Variants in PLXNA4 observed in about 807,000 individuals in gnomAD.
PLXNA4 encodes plexin A4.
A neutral mutation model predicts 191.8 loss-of-function variants in PLXNA4; 44 were observed. That is an observed-to-expected ratio of 0.23 (90% CI 0.18 to 0.29). The LOEUF is 0.29. Ranked by LOEUF, PLXNA4 falls within the 10% of genes least tolerant of loss-of-function variation. The probability of loss-of-function intolerance (pLI) is 1.00; values close to 1 mark genes in which losing one functional copy is unlikely to be tolerated. For missense variants in PLXNA4, 1,800 were observed against 2,488.8 expected, an observed-to-expected ratio of 0.72 and a Z score of 5.89; for synonymous variants, 1,082 against 1,009.5, an observed-to-expected ratio of 1.07 and a Z score of -1.36.
chr7:132,546,731 C>T (rs904738028), intron 1 of PLXNA4, among the ~76,000 whole-genome samples: 2 of 152,292 alleles, frequency 1.3e-5, no homozygotes, highest in Non-Finnish European at 2.9e-5. Context: ...ATCAGATCCA[C>T]CTTAAGCCTC....
At chr7:132,142,923 C>A (rs1156516042) in intron 29 of PLXNA4, among the ~76,000 whole-genome samples, 1 of 152,204 alleles carries the variant, frequency 6.6e-6, no homozygotes, top group East Asian at 1.9e-4. Context: ...GTCCTCAAGC[C>A]AGTTTTGCTG....
At chr7:132,451,553 G>A (rs1796125255) in intron 3 of PLXNA4, among the ~76,000 whole-genome samples, 1 of 152,236 alleles carries the variant, frequency 6.6e-6, no homozygotes, top group African/African-American at 2.4e-5. Context: ...TGCCTGCACT[G>A]ATGTCCAGCA....
chr7:132,241,753 A>G (rs1798886652), intron 4 of PLXNA4, among the ~76,000 whole-genome samples: 1 of 152,114 alleles, frequency 6.6e-6, no homozygotes, highest in African/African-American at 2.4e-5. Flanking sequence ...CTTTCTCATA[A>G]TGTTGGCCAA....
intron 4 of PLXNA4, among the ~76,000 whole-genome samples, chr7:132,275,182 C>T (rs1800225243): frequency 6.6e-6 from 1 of 152,086 alleles, no homozygotes; most frequent in Admixed American, 6.6e-5. Context: ...TTTTCTTCCA[C>T]ATTTAAAAAT....
At chr7:132,210,875 T>C in intron 10 of PLXNA4, 68 bp downstream of exon 10, 4 of 1,545,636 alleles carry the variant, frequency 2.6e-6, no homozygotes, top group Non-Finnish European at 3.5e-6. Context: ...ATTTGGCTCC[T>C]AGAAGACAAC....
At chr7:132,478,137 G>T (rs1236777961) in intron 3 of PLXNA4, among the ~76,000 whole-genome samples, 1 of 152,128 alleles carries the variant, frequency 6.6e-6, no homozygotes, top group Non-Finnish European at 1.5e-5. Context: ...GGTCAACATT[G>T]TACAAGTTCA....
At chr7:132,390,637 T>C (rs1050621444) in intron 3 of PLXNA4, among the ~76,000 whole-genome samples, 1 of 152,168 alleles carries the variant, frequency 6.6e-6, no homozygotes, top group African/African-American at 2.4e-5. Flanking sequence ...CTTCTCTGTC[T>C]GGCAAAGCAA....
chr7:132,505,839 A>G (rs2116228307), intron 2 of PLXNA4, among the ~76,000 whole-genome samples: 1 of 152,222 alleles, frequency 6.6e-6, no homozygotes, highest in East Asian at 1.9e-4. Context: ...GAAGCAGTCC[A>G]TACCCCCGTA....
At chr7:132,454,391 A>G (rs1357460781) in intron 3 of PLXNA4, among the ~76,000 whole-genome samples, 1 of 152,160 alleles carries the variant, frequency 6.6e-6, no homozygotes, top group African/African-American at 2.4e-5. Flanking sequence ...CCACAAAGCC[A>G]AAAGCTGACT....
rs78627155 is a variant in PLXNA4, at chr7:132,290,733, G to T, written c.1503+7358C>A. On this transcript the variant is annotated intron_variant, in intron 4 of 31. Coordinates refer to ENST00000321063, the MANE Select transcript of PLXNA4 (RefSeq NM_020911.2). Reference sequence around the variant, plus strand: ...AGAAAGAAAAGAGACAGAGAGAAACGTAACACGGCTCTGAAAGAGACAGTT... The same window carrying T: ...AGAAAGAAAAGAGACAGAGAGAAACTTAACACGGCTCTGAAAGAGACAGTT... Among the ~76,000 whole-genome samples the T allele has an allele frequency of 9.7e-3, 1,469 of 152,066 alleles. 32 individuals carry two copies. Among genetic ancestry groups the T allele is most frequent in the African/African-American group, 0.034 (1,394 of 41,474 alleles).
intron 3 of PLXNA4, among the ~76,000 whole-genome samples, chr7:132,430,088 TTTCTATGCAGC>T (rs1795203966): frequency 6.6e-6 from 1 of 151,916 alleles, no homozygotes. Flanking sequence ...ACATCCTGAG[TTTCTATGCAGC>T]ACAACCTAAC....
chr7:132,135,655 T>C (rs1795090040), intron 30 of PLXNA4, among the ~76,000 whole-genome samples: 1 of 152,214 alleles, frequency 6.6e-6, no homozygotes, highest in Admixed American at 6.5e-5. Flanking sequence ...AGAGAATATC[T>C]AGAAGTATAT....
chr7:132,502,815 C>T (rs73158860), intron 2 of PLXNA4, among the ~76,000 whole-genome samples: 16,483 of 152,156 alleles, frequency 0.11, 1,147 homozygotes, highest in Non-Finnish European at 0.14. Context: ...TGTGAGAAAG[C>T]CCTTGTTAAC....
In PLXNA4 at chr7:132,241,101, G is replaced by T; in HGVS notation, c.1569C>A (p.Gly523=). The T allele has an allele frequency of 6.2e-7, 1 of 1,612,910 alleles. No homozygotes were observed. The highest frequency in any genetic ancestry group is 1.1e-5 in the South Asian group (1 of 90,882). Reference sequence around the variant, plus strand: ...GCACACACCAGCCACAGTGGGGGTCGCCTGAGCCAAGGCACTCGCCGCAGC... The same window carrying T: ...GCACACACCAGCCACAGTGGGGGTCTCCTGAGCCAAGGCACTCGCCGCAGC... ...YQSCGECLGS[G]DPHCGWCVLH... The change falls in exon 5 of 32, where the codon GGC becomes GGA. Residue 523 remains glycine (G), a synonymous_variant. Coordinates refer to ENST00000321063, the MANE Select transcript of PLXNA4 (RefSeq NM_020911.2).
chr7:132,291,881 G>A (rs935168284), intron 4 of PLXNA4, among the ~76,000 whole-genome samples: 11 of 152,128 alleles, frequency 7.2e-5, no homozygotes, highest in African/African-American at 2.2e-4. Flanking sequence ...TGCAACCTCC[G>A]CCTCCCAGGT....
At chr7:132,541,337 G>C (rs1338404687) in intron 1 of PLXNA4, among the ~76,000 whole-genome samples, 3 of 152,242 alleles carry the variant, frequency 2.0e-5, no homozygotes, top group African/African-American at 7.2e-5. Flanking sequence ...CTGTCAAGCT[G>C]AGTTGGTGAA....
In PLXNA4 at chr7:132,211,060, G is replaced by T; in HGVS notation, c.2181C>A (p.Leu727=). 2 of 1,611,788 alleles carry T rather than the reference G, an allele frequency of 1.2e-6. No homozygotes were observed. The highest frequency in any genetic ancestry group is 1.7e-6 in the Non-Finnish European group (2 of 1,179,032). Residue 727 remains leucine (L), a synonymous_variant, in exon 10 of 32, where the codon CTC becomes CTA. Coordinates refer to ENST00000321063, the MANE Select transcript of PLXNA4 (RefSeq NM_020911.2). The part of the protein sequence containing the change: ...IKPITLKAKN[L]PQPQSGQRGY... Reference sequence around the variant, plus strand: ...CACGCTGCCCAGACTGGGGCTGGGGGAGGTTCTTGGCCTTCAGCGTGATAG... The same window carrying T: ...CACGCTGCCCAGACTGGGGCTGGGGTAGGTTCTTGGCCTTCAGCGTGATAG...
chr7:132,270,871 C>A (rs960432970), intron 4 of PLXNA4, among the ~76,000 whole-genome samples: 1 of 152,216 alleles, frequency 6.6e-6, no homozygotes, highest in Non-Finnish European at 1.5e-5. Context: ...CTTGTTCCAT[C>A]AATAGAGAAT....
chr7:132,164,129 T>C lies in PLXNA4; in HGVS notation c.4500+13A>G. 1.2e-6 allele frequency: 2 copies of C among 1,613,478 alleles called. No homozygotes were observed. ...CTGTCAAAGCCCCAGGGGAAACAGA[T>C]GGGTGGGCTCACCAGGGTTTTGTAG... On this transcript the variant is annotated intron_variant, in intron 24 of 31. Transcript: ENST00000321063.
Sources: allele counts gnomAD v4.1 joint callset (sites outside exome capture counted in the v4.1 genomes callset), GRCh38; gene constraint gnomAD v4.1.1; transcripts MANE v1.5; gene names NCBI Gene and HGNC (gene_info 2026-07-23, HGNC 2026-07-21).